Variants in RAB3GAP2 observed in about 807,000 individuals in gnomAD.
RAB3GAP2 encodes the protein rab3 GTPase-activating protein non-catalytic subunit.
In RAB3GAP2, 87 loss-of-function variants were observed where a neutral mutation model predicts 185.3. The ratio of observed to expected loss-of-function variants is 0.47; its 90% CI spans 0.39 to 0.56. The LOEUF is 0.56. Ranked by LOEUF, RAB3GAP2 falls within the 20% of genes least tolerant of loss-of-function variation. The pLI, the probability that RAB3GAP2 is intolerant of heterozygous loss-of-function variation, is 0.00. For missense variants in RAB3GAP2, 1,492 were observed against 1,638.2 expected, an observed-to-expected ratio of 0.91 and a Z score of 1.54; for synonymous variants, 554 against 576.1, an observed-to-expected ratio of 0.96 and a Z score of 0.55.
At chr1:220,261,366 CT>C (rs1660134414) in intron 1 of RAB3GAP2, among the ~76,000 whole-genome samples, 3 of 152,292 alleles carry the variant, frequency 2.0e-5, no homozygotes, top group Admixed American at 1.3e-4. Flanking sequence ...ACTTGTCATA[CT>C]TCCAGGACTG....
At chr1:220,254,480 C>T in intron 1 of RAB3GAP2, 1 of 1,613,566 alleles carries the variant, frequency 6.2e-7, no homozygotes, top group Admixed American at 1.7e-5. Flanking sequence ...AATTCTGCAA[C>T]TTTGTTTAGT....
intron 1 of RAB3GAP2, among the ~76,000 whole-genome samples, chr1:220,271,979 G>T (rs1387508475): frequency 6.6e-6 from 1 of 151,926 alleles, no homozygotes; most frequent in South Asian, 2.1e-4. Flanking sequence ...GAGGAAACAA[G>T]ACGCAGTTTT....
chr1:220,175,569 G>C (rs1658273299), intron 21 of RAB3GAP2, among the ~76,000 whole-genome samples: 1 of 152,170 alleles, frequency 6.6e-6, no homozygotes, highest in African/African-American at 2.4e-5. Context: ...TTAAAGCTTG[G>C]TTCATTTCCC....
intron 2 of RAB3GAP2, 43 bp from the exon 3 acceptor site, chr1:220,214,022 G>C (rs764575949): frequency 3.1e-6 from 5 of 1,602,020 alleles, no homozygotes; most frequent in Non-Finnish European, 4.3e-6. Context: ...AAAATACCAA[G>C]AGTATTCAAA....
chr1:220,201,435 A>G (rs1658855993), intron 9 of RAB3GAP2, among the ~76,000 whole-genome samples: 2 of 152,130 alleles, frequency 1.3e-5, no homozygotes, highest in Admixed American at 1.3e-4. Flanking sequence ...GTGACTTAAA[A>G]CTGTACAATA....
intron 8 of RAB3GAP2, 26 bp downstream of exon 8, chr1:220,205,881 T>C: frequency 6.8e-7 from 1 of 1,461,234 alleles, no homozygotes; most frequent in Non-Finnish European, 9.6e-7. Flanking sequence ...TTAACAGAGG[T>C]TAAATATTTC....
intron 9 of RAB3GAP2, among the ~76,000 whole-genome samples, chr1:220,200,338 AT>A (rs1193754914): frequency 6.6e-6 from 1 of 151,808 alleles, no homozygotes; most frequent in Non-Finnish European, 1.5e-5. Flanking sequence ...TAACCTACTT[AT>A]TTTCTTCATG....
At chr1:220,226,058 G>GTAAA (rs1659396809) in intron 2 of RAB3GAP2, among the ~76,000 whole-genome samples, 2 of 152,138 alleles carry the variant, frequency 1.3e-5, no homozygotes, top group Admixed American at 6.5e-5. Context: ...CTGTAAAACA[G>GTAAA]ATGGAGCACA....
intron 9 of RAB3GAP2, among the ~76,000 whole-genome samples, chr1:220,200,053 C>T (rs1443725195): frequency 4.6e-5 from 7 of 152,142 alleles, no homozygotes; most frequent in African/African-American, 1.7e-4. Context: ...GTGATCTAAC[C>T]CCAGTCTGCA....
chr1:220,266,450 C>T (rs574275059), intron 1 of RAB3GAP2: 5 of 481,942 alleles, frequency 1.0e-5, no homozygotes, highest in East Asian at 7.8e-5. Context: ...TGGCTGCAGT[C>T]GAACCTTGCC....
intron 2 of RAB3GAP2, among the ~76,000 whole-genome samples, chr1:220,215,248 C>CA (rs1177339125): frequency 6.6e-6 from 1 of 151,882 alleles, no homozygotes. Context: ...ATTGCTGGGT[C>CA]AAAGGGAATG....
rs867187038 is a variant in RAB3GAP2, at chr1:220,267,410, C to T, written c.115+4813G>A. ...AGTTGATGCTCCACTCCTGCTTTCT[C>T]CAGCTGAGCTTTAAATAACACCCTA... is the stretch of plus-strand genomic sequence containing the variant. On this transcript the variant is annotated intron_variant, in intron 1 of 34. Coordinates refer to ENST00000358951, the MANE Select transcript of RAB3GAP2 (RefSeq NM_012414.4). 75 of 1,317,756 alleles carry T rather than the reference C, an allele frequency of 5.7e-5. 1 individual carries two copies. In the African/African-American group the frequency reaches 8.3e-4, roughly 15 times the overall value. The allele number at this position is 1,317,756 out of a possible 1,614,324, so 81.6% of individuals were successfully genotyped here. A position where few individuals can be genotyped will look rare whatever the true frequency, so the allele number is the denominator to read the frequency against.
At chr1:220,215,109 T>C (rs1181045911) in intron 2 of RAB3GAP2, among the ~76,000 whole-genome samples, 1 of 151,888 alleles carries the variant, frequency 6.6e-6, no homozygotes, top group Non-Finnish European at 1.5e-5. Flanking sequence ...TTTAACCAGT[T>C]CCCGATATGC....
chr1:220,165,680 AAATGT>A (rs1414786284), intron 26 of RAB3GAP2, among the ~76,000 whole-genome samples: 2 of 152,242 alleles, frequency 1.3e-5, no homozygotes, highest in Non-Finnish European at 2.9e-5. Flanking sequence ...AACTTCTTTT[AAATGT>A]AAGCAACATT....
chr1:220,225,813 GATGCTCATGT>G (rs1369325414), intron 2 of RAB3GAP2, among the ~76,000 whole-genome samples: 1 of 152,188 alleles, frequency 6.6e-6, no homozygotes, highest in African/African-American at 2.4e-5. Flanking sequence ...TGGTCAGTCT[GATGCTCATGT>G]CTCCTGTGTG....
intron 1 of RAB3GAP2, chr1:220,253,896 A>C: frequency 6.2e-7 from 1 of 1,613,638 alleles, no homozygotes; most frequent in South Asian, 1.1e-5. Flanking sequence ...TTGAAGTGAA[A>C]ACGAAAAAGA....
chr1:220,176,538 A>G (rs1658292913), intron 21 of RAB3GAP2, among the ~76,000 whole-genome samples: 2 of 152,162 alleles, frequency 1.3e-5, no homozygotes, highest in South Asian at 2.1e-4. Flanking sequence ...AGAACTGTAC[A>G]CACTAGTGTT....
chr1:220,182,952 C>T (rs1427280762), intron 19 of RAB3GAP2, 21 bp from the exon 20 acceptor site: 1 of 1,572,894 alleles, frequency 6.4e-7, no homozygotes, highest in African/African-American at 1.4e-5. Context: ...GAAAACAAAA[C>T]AAAACAACAT....
intron 26 of RAB3GAP2, among the ~76,000 whole-genome samples, chr1:220,166,162 T>G (rs1658057583): frequency 6.6e-6 from 1 of 152,184 alleles, no homozygotes; most frequent in Non-Finnish European, 1.5e-5. Flanking sequence ...CTAAAATCAT[T>G]TTTTGGTCAA....
Sources: allele counts gnomAD v4.1 joint callset (sites outside exome capture counted in the v4.1 genomes callset), GRCh38; gene constraint gnomAD v4.1.1; transcripts MANE v1.5; gene names NCBI Gene and HGNC (gene_info 2026-07-23, HGNC 2026-07-21).